NUP93: variants seen among roughly 807,000 people sequenced by gnomAD.
The protein encoded by NUP93 is nucleoporin 93.
Under a neutral mutation model 107.8 loss-of-function variants are expected in NUP93, and 55 were observed. That is an observed-to-expected ratio of 0.51 (90% CI 0.41 to 0.64). The LOEUF is 0.64. Ranked by LOEUF, NUP93 falls within the 30% of genes least tolerant of loss-of-function variation. The probability of loss-of-function intolerance (pLI) is 0.00; values close to 1 mark genes in which losing one functional copy is unlikely to be tolerated. For synonymous variants in NUP93, 390 were observed against 397.5 expected, an observed-to-expected ratio of 0.98 and a Z score of 0.22; for missense variants, 937 against 1,044.7, an observed-to-expected ratio of 0.90 and a Z score of 1.42.
chr16:56,761,338 A>G (rs1483719155), intron 3 of NUP93, among the ~76,000 whole-genome samples: 2 of 152,226 alleles, frequency 1.3e-5, no homozygotes, highest in African/African-American at 2.4e-5. Context: ...GCCAGCTTGC[A>G]TTCCTGGCAT....
intron 1 of NUP93, among the ~76,000 whole-genome samples, chr16:56,738,841 C>G (rs1173795092): frequency 2.0e-5 from 3 of 151,898 alleles, no homozygotes; most frequent in African/African-American, 7.3e-5. Context: ...AAGAAAGAAT[C>G]ATTCACAAGA....
chr16:56,833,094 G>C (rs2144633531), intron 12 of NUP93, 121 bp from the exon 13 acceptor site: 1 of 790,102 alleles, frequency 1.3e-6, no homozygotes, highest in East Asian at 2.7e-5. Flanking sequence ...GACTCAATCT[G>C]GTGCTTTCTT....
chr16:56,848,992 T>C lies in NUP93; in HGVS notation c.*4383T>C, dbSNP rs1418393527. On this transcript the variant is annotated 3_prime_UTR_variant, in exon 22 of 22. Transcript: ENST00000308159. ...TGTCCTAACCTTGGTTTTTGAAATATGCTTCTCCTGTGTGCCCTCTCTGGG... is the reference window on the plus strand; with the variant it reads ...TGTCCTAACCTTGGTTTTTGAAATACGCTTCTCCTGTGTGCCCTCTCTGGG... 1 of 152,236 alleles carries C rather than the reference T, an allele frequency of 6.6e-6. No homozygotes were observed. Among genetic ancestry groups the C allele is most frequent in the Non-Finnish European group, 1.5e-5 (1 of 68,046 alleles). The allele number at this position is 152,236 out of a possible 1,614,324, so 9.4% of individuals were successfully genotyped here. A position where few individuals can be genotyped will look rare whatever the true frequency, so the allele number is the denominator to read the frequency against.
At chr16:56,776,224 T>C (rs1237917752) in intron 3 of NUP93, among the ~76,000 whole-genome samples, 1 of 94,804 alleles carries the variant, frequency 1.1e-5, no homozygotes, top group Admixed American at 1.0e-4. Flanking sequence ...AGAAATACAG[T>C]TTTTTCCCCC....
Position 56,836,713 on chromosome 16 carries a change from C to G in NUP93, c.1895C>G (p.Ala632Gly), listed in dbSNP as rs1963919808. The part of the protein sequence containing the change: ...FEEAAKLYDL[A>G]KNADKVLELM... ...GAGGCAGCAAAGCTGTATGACCTTG[C>G]CAAGGTAAAGTGTGCCCACTTCCTT... Residue 632 changes from alanine to glycine, a missense_variant, in exon 17 of 22, where the codon GCC becomes GGC. By Grantham distance (60) the Ala-to-Gly change is moderately conservative (BLOSUM62 0). Coordinates refer to ENST00000308159, the MANE Select transcript of NUP93 (RefSeq NM_014669.5). 14 of 1,606,188 alleles carry G rather than the reference C, an allele frequency of 8.7e-6. No homozygotes were observed. Among genetic ancestry groups the G allele is most frequent in the Non-Finnish European group, 1.2e-5 (14 of 1,173,610 alleles).
At chr16:56,740,188 A>T (rs1961700406) in intron 1 of NUP93, among the ~76,000 whole-genome samples, 1 of 143,834 alleles carries the variant, frequency 7.0e-6, no homozygotes. Context: ...CACTTCCCAG[A>T]TGGGGTGGCT....
intron 6 of NUP93, 93 bp from the exon 7 acceptor site, chr16:56,821,411 C>G: frequency 2.4e-6 from 2 of 829,784 alleles, no homozygotes; most frequent in Non-Finnish European, 3.9e-6. Flanking sequence ...GAAAGGTTGG[C>G]CGAAGCTTCT....
intron 5 of NUP93, among the ~76,000 whole-genome samples, chr16:56,812,280 A>G (rs1266622579): frequency 2.0e-5 from 3 of 152,168 alleles, no homozygotes; most frequent in Non-Finnish European, 2.9e-5. Context: ...ACACCTTCCA[A>G]TAACAGGAGT....
Position 56,735,071 on chromosome 16 carries a change from G to A in NUP93, c.-15+4860G>A, listed in dbSNP as rs142068592. On this transcript the variant is annotated intron_variant, in intron 1 of 21. Coordinates refer to ENST00000308159, the MANE Select transcript of NUP93 (RefSeq NM_014669.5). Reference sequence around the variant, plus strand: ...GGACTCATACACAGACAGAGCTCAGGAGATGATGTCGGGCAAATAAATGAA... The same window carrying A: ...GGACTCATACACAGACAGAGCTCAGAAGATGATGTCGGGCAAATAAATGAA... Among the ~76,000 whole-genome samples, 437 of 152,350 alleles carry A rather than the reference G, an allele frequency of 2.9e-3. 1 individual carries two copies. Among genetic ancestry groups the A allele is most frequent in the Non-Finnish European group, 4.2e-3 (289 of 68,036 alleles).
rs1193974654 is a variant in NUP93 at position 56,740,579 on chromosome 16, C to T, written c.-14-7655C>T. On this transcript the variant is annotated intron_variant, in intron 1 of 21. Coordinates refer to ENST00000308159, the MANE Select transcript of NUP93 (RefSeq NM_014669.5). ...GCAGAGGGGCTCCTCACATCCCAGA[C>T]GATGGGCGGCCAGGCAGAGACACTC... 31 of 174,874 alleles carry T rather than the reference C, an allele frequency of 1.8e-4. No individual in the cohort carries two copies. In the South Asian group the frequency reaches 1.8e-3, roughly 10 times the overall value. 10.8% of individuals were successfully genotyped at this position (174,874 alleles called of 1,614,324 possible). A position where few individuals can be genotyped will look rare whatever the true frequency, so the allele number is the denominator to read the frequency against.
intron 3 of NUP93, among the ~76,000 whole-genome samples, chr16:56,773,625 T>C (rs1962360857): frequency 6.6e-6 from 1 of 152,234 alleles, no homozygotes; most frequent in African/African-American, 2.4e-5. Context: ...TTTTAAGAAA[T>C]GTGATTCTCA....
At chr16:56,785,358 T>G (rs1962603118) in intron 3 of NUP93, among the ~76,000 whole-genome samples, 1 of 152,096 alleles carries the variant, frequency 6.6e-6, no homozygotes. Flanking sequence ...TCTTCCTGCT[T>G]TCTTTGCCTC....
In NUP93 at chr16:56,810,096, G is replaced by C. The variant is rs372465647; in HGVS notation, c.489+4464G>C. Among the ~76,000 whole-genome samples the C allele has an allele frequency of 1.2e-4, 19 of 152,258 alleles. No individual in the cohort carries two copies. The East Asian group carries it at 3.7e-3, about 29-fold the overall frequency. Reference sequence around the variant, plus strand: ...TCTTCTCGTAAAAATAGAATAGTCTGTTTAGTAGACTCTTCTTACTTGACC... The same window carrying C: ...TCTTCTCGTAAAAATAGAATAGTCTCTTTAGTAGACTCTTCTTACTTGACC... On this transcript the variant is annotated intron_variant, in intron 5 of 21. Transcript: ENST00000308159.
chr16:56,787,141 C>T (rs1284742122), intron 3 of NUP93, among the ~76,000 whole-genome samples: 4 of 152,158 alleles, frequency 2.6e-5, no homozygotes, highest in African/African-American at 4.8e-5. Context: ...TTTAAGAGAA[C>T]GTGAAATTAC....
rs11359027 is a variant in NUP93, at chr16:56,814,635, TG to T, written c.490-4027del. The stretch of plus-strand genomic sequence containing the variant: ...TTTCGGTCCCCATCCTGTCCTGGAA[TG>T]GCTGTCTTGGGAACACCATCTACTC... On this transcript the variant is annotated intron_variant, in intron 5 of 21. Coordinates refer to ENST00000308159, the MANE Select transcript of NUP93 (RefSeq NM_014669.5). Among the ~76,000 whole-genome samples the T allele has an allele frequency of 5.8e-3, 886 of 152,352 alleles. 11 individuals are homozygous for T. Among genetic ancestry groups the T allele is most frequent in the African/African-American group, 0.02 (818 of 41,580 alleles).
Position 56,831,921 on chromosome 16 carries a change from G to A in NUP93, c.1165G>A (p.Ala389Thr), listed in dbSNP as rs1043516453. ...LRNNTDPYKR[A>T]VYCIIGRCDV... is the part of the protein sequence containing the mutation. Reference sequence around the variant, plus strand: ...GAACAATACAGATCCCTACAAGCGGGCCGTGTACTGTATCATTGGCAGATG... The same window carrying A: ...GAACAATACAGATCCCTACAAGCGGACCGTGTACTGTATCATTGGCAGATG... The change falls in exon 11 of 22, where the codon GCC (alanine) becomes ACC (threonine). Residue 389 changes from alanine to threonine, a missense_variant. Ala to Thr is a moderately conservative substitution (Grantham distance 58). Coordinates refer to ENST00000308159, the MANE Select transcript of NUP93 (RefSeq NM_014669.5). 5.0e-6 allele frequency: 8 copies of A among 1,614,156 alleles called. No individual in the cohort carries two copies. The highest frequency in any genetic ancestry group is 6.8e-6 in the Non-Finnish European group (8 of 1,180,022).
intron 3 of NUP93, among the ~76,000 whole-genome samples, chr16:56,768,301 C>T (rs10852552): frequency 0.29 from 44,729 of 152,056 alleles, 6,817 homozygotes; most frequent in East Asian, 0.46. Context: ...CAGTGGCTCA[C>T]GCCTGTAATC....
Position 56,834,525 on chromosome 16 carries a change from A to G in NUP93, c.1737+83A>G, listed in dbSNP as rs575321101. ...CATTCCGTATTGCGTGTTTACTTCA[A>G]TATGGTTGTGGTGGATAAGGCCTAG... On this transcript the variant is annotated intron_variant, in intron 15 of 21. Coordinates refer to ENST00000308159, the MANE Select transcript of NUP93 (RefSeq NM_014669.5). 24 of 1,447,996 alleles carry G rather than the reference A, an allele frequency of 1.7e-5. No individual in the cohort carries two copies. In the Admixed American group the frequency reaches 2.9e-4, roughly 17 times the overall value. The allele number at this position is 1,447,996 out of a possible 1,614,324, so 89.7% of individuals were successfully genotyped here.
intron 8 of NUP93, among the ~76,000 whole-genome samples, chr16:56,825,053 T>A (rs1226540498): frequency 6.6e-6 from 1 of 151,854 alleles, no homozygotes; most frequent in Non-Finnish European, 1.5e-5. Context: ...TATAAAAACT[T>A]CCCAGGAATT....
Sources: allele counts gnomAD v4.1 joint callset (sites outside exome capture counted in the v4.1 genomes callset), GRCh38; gene constraint gnomAD v4.1.1; transcripts MANE v1.5; gene names NCBI Gene and HGNC (gene_info 2026-07-23, HGNC 2026-07-21).